Variants in CARD8 observed in about 807,000 individuals in gnomAD.
CARD8 encodes the protein caspase recruitment domain-containing protein 8.
CARD8 carries 38 observed loss-of-function variants against 53.2 expected under a neutral mutation model. The ratio of observed to expected loss-of-function variants is 0.71; its 90% CI spans 0.55 to 0.94. The LOEUF (loss-of-function observed/expected upper bound fraction) is 0.94. Among genes scored for constraint, CARD8 ranks in the 40% least tolerant of loss-of-function variants. CARD8 has a pLI of 0.00. For synonymous variants in CARD8, 245 were observed against 244.9 expected (o/e 1.00, Z 0.00); for missense variants, 561 against 655.5 (o/e 0.86, Z 1.57).
chr19:48,249,561 C>A lies in CARD8; in HGVS notation c.-82G>T, dbSNP rs989537368. 1.3e-5 allele frequency: 2 copies of A among 152,336 alleles called. No homozygotes were observed. Among genetic ancestry groups the A allele is most frequent in the African/African-American group, 4.8e-5 (2 of 41,452 alleles). 9.4% of individuals were successfully genotyped at this position (152,336 alleles called of 1,614,324 possible). A position where few individuals can be genotyped will look rare whatever the true frequency, so the allele number is the denominator to read the frequency against. Reference sequence around the variant, plus strand: ...CAGATGCTTGCACTAACCGCGTTTACCGCCCACAGCCATCATGGCGACCGG... The same window carrying A: ...CAGATGCTTGCACTAACCGCGTTTAACGCCCACAGCCATCATGGCGACCGG... On this transcript the variant is annotated 5_prime_UTR_variant, in exon 3 of 14. Transcript: ENST00000651546.
At chr19:48,219,403 C>T (rs1011152547) in intron 11 of CARD8, among the ~76,000 whole-genome samples, 1 of 152,150 alleles carries the variant, frequency 6.6e-6, no homozygotes, top group South Asian at 2.1e-4. Flanking sequence ...GCTGGGAAGC[C>T]GGGGTCAGAT....
intron 3 of CARD8, among the ~76,000 whole-genome samples, chr19:48,246,545 T>C (rs904497945): frequency 1.3e-5 from 2 of 152,022 alleles, no homozygotes; most frequent in Non-Finnish European, 2.9e-5. Flanking sequence ...TCTCGATAGA[T>C]AGACTGACAA....
At chr19:48,242,713 T>C (rs2045409023) in intron 3 of CARD8, 1 of 152,218 alleles carries the variant, frequency 6.6e-6, no homozygotes, top group African/African-American at 2.4e-5. Context: ...TTTCCTTCTC[T>C]TGGGTACATA....
intron 13 of CARD8, among the ~76,000 whole-genome samples, chr19:48,214,766 A>G (rs1176618570): frequency 1.6e-5 from 2 of 121,606 alleles, no homozygotes; most frequent in African/African-American, 3.4e-5. Context: ...TCCTGCTATA[A>G]AGCTTTTTTT....
At chr19:48,237,935 G>C (rs1358685485) in intron 5 of CARD8, among the ~76,000 whole-genome samples, 1 of 151,952 alleles carries the variant, frequency 6.6e-6, no homozygotes, top group Non-Finnish European at 1.5e-5. Context: ...CTGTCTCCCA[G>C]GCTGGAGTGC....
At chr19:48,248,089 T>C (rs3848539) in intron 3 of CARD8, among the ~76,000 whole-genome samples, 38,763 of 152,116 alleles carry the variant, frequency 0.25, 5,720 homozygotes, top group African/African-American at 0.4. Flanking sequence ...TTTACTCCCA[T>C]GAAAATCTGT....
intron 10 of CARD8, chr19:48,223,746 TA>T (rs1264908467): frequency 2.4e-6 from 1 of 422,332 alleles, no homozygotes; most frequent in Non-Finnish European, 4.7e-6. Context: ...TAACCTTCTT[TA>T]TTTGTTATAG....
intron 12 of CARD8, among the ~76,000 whole-genome samples, chr19:48,218,253 G>A (rs2039745597): frequency 6.6e-6 from 1 of 151,474 alleles, no homozygotes; most frequent in Non-Finnish European, 1.5e-5. Context: ...AGGACATGCA[G>A]GTTTGTTACA....
chr19:48,225,509 G>A (rs534792107), intron 10 of CARD8, among the ~76,000 whole-genome samples: 58 of 152,014 alleles, frequency 3.8e-4, no homozygotes, highest in African/African-American at 1.1e-3. Flanking sequence ...ATAAATAAAG[G>A]GAGGGATGGA....
intron 8 of CARD8, 27 bp downstream of exon 8, chr19:48,231,633 C>G (rs1600411862): frequency 1.9e-6 from 3 of 1,560,946 alleles, no homozygotes; most frequent in East Asian, 4.5e-5. Flanking sequence ...GAGTGGTTTT[C>G]AAATCATCAG....
intron 11 of CARD8, among the ~76,000 whole-genome samples, chr19:48,221,008 A>AAAGAAAG (rs1555806507): frequency 4.1e-5 from 5 of 122,038 alleles, no homozygotes; most frequent in Non-Finnish European, 8.2e-5. Context: ...GAAAGAAAGA[A>AAAGAAAG]AAAGAAAGAA....
chr19:48,218,294 C>T (rs981786208), intron 12 of CARD8, among the ~76,000 whole-genome samples: 1 of 151,556 alleles, frequency 6.6e-6, no homozygotes, highest in African/African-American at 2.4e-5. Flanking sequence ...TGGTTTGCTG[C>T]ACCTATCAAA....
chr19:48,247,758 A>G lies in CARD8; in HGVS notation c.-44+1765T>C, dbSNP rs762273139. On this transcript the variant is annotated intron_variant, in intron 3 of 13. Coordinates refer to ENST00000651546, the MANE Select transcript of CARD8 (RefSeq NM_001184900.3). ...TACTTTCATGACACTATGTTATTGT[A>G]TATATATATATATATATATACACAC... Among the ~76,000 whole-genome samples the G allele has an allele frequency of 4.7e-3, 587 of 124,128 alleles. 1 individual carries two copies. Among genetic ancestry groups the G allele is most frequent in the African/African-American group, 8.3e-3 (282 of 33,918 alleles). The allele number at this position is 124,128 out of a possible 152,430, so 81.4% of individuals were successfully genotyped here.
At chr19:48,234,884 G>C (rs1322760384) in intron 5 of CARD8, among the ~76,000 whole-genome samples, 1 of 152,122 alleles carries the variant, frequency 6.6e-6, no homozygotes, top group African/African-American at 2.4e-5. Flanking sequence ...ACCTTGCTAA[G>C]AATTTTAGGG....
At position 48,238,462 on chromosome 19, in the gene CARD8, C is replaced by A; in HGVS notation, c.130G>T (p.Val44Phe). 6.5e-7 allele frequency: 1 copy of A among 1,536,272 alleles called. No individual in the cohort carries two copies. Among genetic ancestry groups the A allele is most frequent in the Non-Finnish European group, 8.7e-7 (1 of 1,146,932 alleles). The change falls in exon 5 of 14, where the codon GTT (valine) becomes TTT (phenylalanine). Residue 44 changes from valine (V) to phenylalanine (F), a missense_variant. Transcript: ENST00000651546. The stretch of plus-strand genomic sequence containing the variant: ...TGCAGTTCCCGTATGCTATTGTCAA[C>A]CAACAGTTTCCGTGATCCTTGTAGT... ...IRLQGSRKLL[V>F]DNSIRELQYT...
chr19:48,238,129 G>A (rs1339266121), intron 5 of CARD8: 5 of 418,986 alleles, frequency 1.2e-5, no homozygotes, highest in African/African-American at 6.3e-5. Flanking sequence ...GACCTCAGGC[G>A]ATCCACCTGC....
rs370752140 is a variant in CARD8 at position 48,253,832 on chromosome 19, G to A, written c.-252+1960C>T. On this transcript the variant is annotated intron_variant, in intron 1 of 13. Transcript: ENST00000651546. ...TATAGAATAATCCTCCACTCTTGTG[G>A]GAAATCTGTTCAATAGTCTTTCAGC... Among the ~76,000 whole-genome samples, 3 of 152,194 alleles carry A rather than the reference G, an allele frequency of 2.0e-5. No homozygotes were observed. The East Asian group carries it at 5.8e-4, about 29-fold the overall frequency.
At chr19:48,242,222 C>T (rs548508509) in intron 3 of CARD8, among the ~76,000 whole-genome samples, 15 of 152,248 alleles carry the variant, frequency 9.9e-5, no homozygotes, top group African/African-American at 3.6e-4. Flanking sequence ...GGTCTCAACG[C>T]CCTTAGCAAA....
chr19:48,217,640 T>C (rs2039607425), intron 12 of CARD8, among the ~76,000 whole-genome samples: 1 of 152,150 alleles, frequency 6.6e-6, no homozygotes, highest in African/African-American at 2.4e-5. Context: ...CTTCCCTTCA[T>C]AGAGCTTCAT....
Sources: allele counts gnomAD v4.1 joint callset (sites outside exome capture counted in the v4.1 genomes callset), GRCh38; gene constraint gnomAD v4.1.1; transcripts MANE v1.5; gene names NCBI Gene and HGNC (gene_info 2026-07-23, HGNC 2026-07-21).